The following SLC17A8 variants were observed in gnomAD, a reference collection of about 807,000 sequenced individuals.
SLC17A8 encodes the protein vesicular glutamate transporter 3.
A neutral mutation model predicts 58.0 loss-of-function variants in SLC17A8; 31 were observed. That is an observed-to-expected ratio of 0.53 (90% CI 0.40 to 0.72). The LOEUF (loss-of-function observed/expected upper bound fraction) is 0.72, where lower values mean the gene tolerates loss of function less well. Ranked by LOEUF, SLC17A8 falls within the 30% of genes least tolerant of loss-of-function variation. The pLI is 0.00. For synonymous variants in SLC17A8, 228 were observed against 249.0 expected (o/e 0.92, Z 0.79); for missense variants, 655 against 727.8 (o/e 0.90, Z 1.15).
chr12:100,382,320 G>A (rs963554007), intron 2 of SLC17A8, among the ~76,000 whole-genome samples: 1 of 152,336 alleles, frequency 6.6e-6, no homozygotes. Flanking sequence ...GGCCATCATA[G>A]TTATAAGCAA....
intron 1 of SLC17A8, among the ~76,000 whole-genome samples, chr12:100,358,171 GTTTAA>G (rs1353178409): frequency 6.6e-6 from 1 of 152,154 alleles, no homozygotes; most frequent in Admixed American, 6.5e-5. Context: ...TAATGTGACA[GTTTAA>G]TTTATGAATT....
At chr12:100,358,219 T>C (rs1952461654) in intron 1 of SLC17A8, among the ~76,000 whole-genome samples, 1 of 152,222 alleles carries the variant, frequency 6.6e-6, no homozygotes, top group Non-Finnish European at 1.5e-5. Context: ...TCTCAAATTA[T>C]ATAAATGATT....
chr12:100,411,317 CTA>C (rs1215624782), intron 9 of SLC17A8, among the ~76,000 whole-genome samples: 1 of 151,930 alleles, frequency 6.6e-6, no homozygotes, highest in Non-Finnish European at 1.5e-5. Flanking sequence ...CCCAACTCTA[CTA>C]AAAATACAAA....
At chr12:100,401,884 A>C in intron 6 of SLC17A8, 21 bp downstream of exon 6, 1 of 1,572,228 alleles carries the variant, frequency 6.4e-7, no homozygotes, top group Non-Finnish European at 8.8e-7. Flanking sequence ...TGACTTCACA[A>C]GTTCACATGT....
At chr12:100,415,593 C>T (rs1412672206) in intron 10 of SLC17A8, among the ~76,000 whole-genome samples, 1 of 152,000 alleles carries the variant, frequency 6.6e-6, no homozygotes, top group African/African-American at 2.4e-5. Flanking sequence ...CCACCACTTC[C>T]AGATATATAT....
At chr12:100,405,926 C>A (rs1952823220) in intron 9 of SLC17A8, among the ~76,000 whole-genome samples, 1 of 152,200 alleles carries the variant, frequency 6.6e-6, no homozygotes, top group South Asian at 2.1e-4. Context: ...GCGGGCAGAC[C>A]ACTTGAGCTC....
chr12:100,373,734 G>C (rs1267785648), intron 1 of SLC17A8, among the ~76,000 whole-genome samples: 1 of 151,984 alleles, frequency 6.6e-6, no homozygotes, highest in African/African-American at 2.4e-5. Context: ...ACAGGTGCCA[G>C]CCACTATGCC....
chr12:100,402,730 A>C lies in SLC17A8; in HGVS notation c.1038A>C (p.Gly346=). ...SQPAYFEEVF[G]FAISKVGLLS... The stretch of plus-strand genomic sequence containing the variant: ...CTGCTTATTTTGAAGAGGTCTTTGG[A>C]TTTGCAATAAGTAAGGTAAACACAC... The change falls in exon 8 of 12, where the codon GGA becomes GGC. Residue 346 remains glycine, a synonymous_variant. Coordinates refer to ENST00000323346, the MANE Select transcript of SLC17A8 (RefSeq NM_139319.3). The C allele has an allele frequency of 6.2e-7, 1 of 1,613,876 alleles. No homozygotes were observed. Among genetic ancestry groups the C allele is most frequent in the South Asian group, 1.1e-5 (1 of 91,004 alleles).
At chr12:100,419,408 C>A (rs1296491756) in intron 11 of SLC17A8, among the ~76,000 whole-genome samples, 1 of 151,996 alleles carries the variant, frequency 6.6e-6, no homozygotes, top group Non-Finnish European at 1.5e-5. Flanking sequence ...GTGGCGGGCA[C>A]CTGTAGTCCC....
intron 1 of SLC17A8, among the ~76,000 whole-genome samples, chr12:100,363,299 C>T (rs1952496703): frequency 6.6e-6 from 1 of 152,176 alleles, no homozygotes; most frequent in Non-Finnish European, 1.5e-5. Flanking sequence ...CACTCCTTCT[C>T]TCATGCCTTG....
intron 10 of SLC17A8, among the ~76,000 whole-genome samples, chr12:100,415,793 T>G (rs1251427467): frequency 1.3e-5 from 2 of 152,190 alleles, no homozygotes; most frequent in Admixed American, 6.5e-5. Flanking sequence ...AGAAAGGTAT[T>G]GCTATATTCA....
chr12:100,407,973 C>T (rs1415864973), intron 9 of SLC17A8, among the ~76,000 whole-genome samples: 1 of 151,994 alleles, frequency 6.6e-6, no homozygotes, highest in Admixed American at 6.6e-5. Context: ...TTAAAAAGAC[C>T]ATAATGGTCC....
At chr12:100,364,944 A>G (rs879339955) in intron 1 of SLC17A8, among the ~76,000 whole-genome samples, 3 of 152,164 alleles carry the variant, frequency 2.0e-5, no homozygotes, top group Non-Finnish European at 4.4e-5. Context: ...AACATACCAA[A>G]TTGACCAGCT....
rs373896483 is a variant in SLC17A8, at chr12:100,386,970, T to C, written c.355-4031T>C. Among the ~76,000 whole-genome samples the C allele has an allele frequency of 1.5e-3, 223 of 152,324 alleles. 1 individual carries two copies. Among genetic ancestry groups the C allele is most frequent in the African/African-American group, 5.1e-3 (210 of 41,564 alleles). ...TCCCAAAGTGCTGGGATTACAGGCA[T>C]GAGCCACTGCGCCCAGCCACATTTT... On this transcript the variant is annotated intron_variant, in intron 2 of 11. Transcript: ENST00000323346.
intron 8 of SLC17A8, among the ~76,000 whole-genome samples, chr12:100,403,030 A>T (rs1302266403): frequency 6.6e-6 from 1 of 152,194 alleles, no homozygotes; most frequent in Admixed American, 6.5e-5. Context: ...CATATTAGGC[A>T]AGGATAAAAA....
chr12:100,375,902 C>G (rs182629521), intron 1 of SLC17A8, among the ~76,000 whole-genome samples: 1 of 152,176 alleles, frequency 6.6e-6, no homozygotes, highest in African/African-American at 2.4e-5. Flanking sequence ...ATGGATCTGC[C>G]CAAATTCATT....
At chr12:100,364,361 A>G (rs1253660379) in intron 1 of SLC17A8, among the ~76,000 whole-genome samples, 1 of 152,184 alleles carries the variant, frequency 6.6e-6, no homozygotes. Flanking sequence ...TGTTACAAAC[A>G]ACTTCTGACC....
chr12:100,358,932 A>G (rs1952466050), intron 1 of SLC17A8, among the ~76,000 whole-genome samples: 1 of 152,192 alleles, frequency 6.6e-6, no homozygotes, highest in Non-Finnish European at 1.5e-5. Flanking sequence ...GCTTGAGGCC[A>G]GAAGTTCGAG....
In SLC17A8 at chr12:100,412,633, TA is replaced by T. The variant is rs138819500; in HGVS notation, c.1187-127del. 4,766 of 567,288 alleles carry T rather than the reference TA, an allele frequency of 8.4e-3. 75 individuals are homozygous for T. The highest frequency in any genetic ancestry group is 0.054 in the African/African-American group (2,693 of 50,254). The allele number at this position is 567,288 out of a possible 1,614,324, so 35.1% of individuals were successfully genotyped here. The stretch of plus-strand genomic sequence containing the variant: ...AAAACTTAAATTCCAGAACTTAAAG[TA>T]AAAAAAAAACATAGACACAAACAAA... On this transcript the variant is annotated intron_variant, in intron 9 of 11. Coordinates refer to ENST00000323346, the MANE Select transcript of SLC17A8 (RefSeq NM_139319.3).
Sources: allele counts gnomAD v4.1 joint callset (sites outside exome capture counted in the v4.1 genomes callset), GRCh38; gene constraint gnomAD v4.1.1; transcripts MANE v1.5; gene names NCBI Gene and HGNC (gene_info 2026-07-23, HGNC 2026-07-21).